ABI1: variants seen among roughly 807,000 people sequenced by gnomAD.
ABI1 encodes the protein Abelson interactor 1.
ABI1 carries 14 observed loss-of-function variants against 54.6 expected under a neutral mutation model. The ratio of observed to expected loss-of-function variants is 0.26; its 90% CI spans 0.17 to 0.40. ABI1 has a LOEUF of 0.40. ABI1 is among the 10% of genes least tolerant of loss of function. The pLI is 1.00. For missense variants in ABI1, 443 were observed against 598.3 expected (o/e 0.74, Z 2.71); for synonymous variants, 194 against 209.3 (o/e 0.93, Z 0.63).
At chr10:26,790,091 A>G (rs542674307) in intron 2 of ABI1, among the ~76,000 whole-genome samples, 5 of 152,346 alleles carry the variant, frequency 3.3e-5, no homozygotes, top group African/African-American at 1.2e-4. Flanking sequence ...TACAGTGAAC[A>G]TACATGTGCA....
intron 1 of ABI1, among the ~76,000 whole-genome samples, chr10:26,859,895 G>A (rs987725913): frequency 6.6e-6 from 1 of 152,060 alleles, no homozygotes; most frequent in African/African-American, 2.4e-5. Context: ...GTTTTTCCAA[G>A]GAGTTAAGAA....
In ABI1 at chr10:26,860,489, C is replaced by T. The variant is rs1178004648; in HGVS notation, c.117+258G>A. 6.6e-6 allele frequency among the ~76,000 whole-genome samples: 1 copy of T among 152,200 alleles called. No homozygotes were observed. The highest frequency in any genetic ancestry group is 2.4e-5 in the African/African-American group (1 of 41,454). ...GGCGCCGGGCTGCGGCAGCGGCGGG[C>T]TCCCGGCTCCCTCGCCCATTTTCTC... On this transcript the variant is annotated intron_variant, in intron 1 of 10. Transcript: ENST00000376140. This position sits in a 1 kb window ranked among gnomAD's most constrained non-coding sequence, Gnocchi z 4.1.
intron 1 of ABI1, among the ~76,000 whole-genome samples, chr10:26,856,381 C>CT (rs1228056738): frequency 2.4e-5 from 3 of 124,688 alleles, no homozygotes; most frequent in African/African-American, 9.2e-5. Context: ...AGCTACTGAA[C>CT]TTTAGGTTGG....
At chr10:26,845,295 T>A (rs1190178988) in intron 1 of ABI1, among the ~76,000 whole-genome samples, 2 of 152,140 alleles carry the variant, frequency 1.3e-5, no homozygotes, top group East Asian at 3.9e-4. Flanking sequence ...ATAGACCAAT[T>A]TTCTTTTTCT....
chr10:26,827,927 G>A (rs1272810686), intron 1 of ABI1, among the ~76,000 whole-genome samples: 3 of 152,146 alleles, frequency 2.0e-5, no homozygotes, highest in African/African-American at 2.4e-5. Flanking sequence ...TGTGTTCAGT[G>A]GACTAGCCCT....
rs1320964631 is a variant in ABI1, at chr10:26,751,674, C to T, written c.1194G>A (p.Glu398=). 3 of 1,614,022 alleles carry T rather than the reference C, an allele frequency of 1.9e-6. No homozygotes were observed. Among genetic ancestry groups the T allele is most frequent in the Non-Finnish European group, 2.5e-6 (3 of 1,179,974 alleles). ...PPPPVDYEDE[E]AAVVQYNDPY... ...GATCATTATACTGAACTACTGCAGC[C>T]TCCTCATCTTCATAATCCACTGGTG... is the stretch of plus-strand genomic sequence containing the variant. The change falls in exon 10 of 11, where the codon GAG becomes GAA. Residue 398 remains glutamate, a synonymous_variant. Coordinates refer to ENST00000376140, the MANE Select transcript of ABI1 (RefSeq NM_001012750.3).
intron 2 of ABI1, among the ~76,000 whole-genome samples, chr10:26,800,147 G>A (rs555036392): frequency 1.3e-5 from 2 of 152,282 alleles, no homozygotes; most frequent in African/African-American, 4.8e-5. Flanking sequence ...ACTTTGGGAG[G>A]CCAACCTAGG....
Position 26,754,950 on chromosome 10 carries a change from C to A in ABI1, c.1084+705G>T, listed in dbSNP as rs2279173. Among the ~76,000 whole-genome samples, 2,743 of 151,818 alleles carry A rather than the reference C, an allele frequency of 0.018. 192 individuals are homozygous for A. In the South Asian group the frequency reaches 0.19, roughly 11 times the overall value. On this transcript the variant is annotated intron_variant, in intron 9 of 10. Transcript: ENST00000376140. ...ATATCCAAAATAACTTCTCCCCCCC[C>A]ACAAAAAAAAATCCCTGAACTTCAT...
chr10:26,786,728 C>T (rs1842777644), intron 2 of ABI1, among the ~76,000 whole-genome samples: 1 of 152,174 alleles, frequency 6.6e-6, no homozygotes, highest in South Asian at 2.1e-4. Context: ...TTCTCTGTCT[C>T]CTTTCTAAGG....
intron 2 of ABI1, among the ~76,000 whole-genome samples, chr10:26,796,842 A>G (rs116665807): frequency 0.015 from 2,355 of 152,296 alleles, 52 homozygotes; most frequent in African/African-American, 0.054. Flanking sequence ...TTTTGGGATT[A>G]AACTGTTCTA....
At chr10:26,748,809 A>C in intron 10 of ABI1, 64 bp from the exon 11 acceptor site, 10 of 1,171,840 alleles carry the variant, frequency 8.5e-6, no homozygotes, top group Non-Finnish European at 1.2e-5. Context: ...TTGAATTTTA[A>C]GACAAAGACA....
At chr10:26,753,548 A>G (rs771018450) in intron 9 of ABI1, among the ~76,000 whole-genome samples, 3 of 152,200 alleles carry the variant, frequency 2.0e-5, no homozygotes, top group Non-Finnish European at 4.4e-5. Flanking sequence ...AATTCTCTGC[A>G]TAATCATAAA....
chr10:26,789,152 A>G (rs1278746652), intron 2 of ABI1: 1 of 152,192 alleles, frequency 6.6e-6, no homozygotes, highest in Non-Finnish European at 1.5e-5. Flanking sequence ...AAGCACCAGG[A>G]CACCAGGGAA....
intron 1 of ABI1, among the ~76,000 whole-genome samples, chr10:26,851,933 T>A (rs1175945998): frequency 6.6e-6 from 1 of 152,056 alleles, no homozygotes; most frequent in South Asian, 2.1e-4. Context: ...GGTTATCTAG[T>A]GGGATTGCCT....
chr10:26,858,621 A>G (rs1349940709), intron 1 of ABI1, among the ~76,000 whole-genome samples: 4 of 150,684 alleles, frequency 2.7e-5, no homozygotes, highest in Non-Finnish European at 4.4e-5. Flanking sequence ...ATAAAGTGAG[A>G]GACTGTATGA....
At chr10:26,824,886 GTT>G (rs1293374606) in intron 1 of ABI1, among the ~76,000 whole-genome samples, 2 of 152,172 alleles carry the variant, frequency 1.3e-5, no homozygotes, top group Non-Finnish European at 2.9e-5. Flanking sequence ...TAAAAGTTAT[GTT>G]TATATTATGC....
At position 26,851,988 on chromosome 10, in the gene ABI1, T is replaced by C. The variant is rs2050429105; in HGVS notation, c.117+8759A>G. On this transcript the variant is annotated intron_variant, in intron 1 of 10. Transcript: ENST00000376140. ...TTTTGAGTAATAATCAATTTTAAAA[T>C]GACACCCATGAGCTGAGCATGGTGG... is the stretch of plus-strand genomic sequence containing the variant. Among the ~76,000 whole-genome samples the C allele has an allele frequency of 2.0e-5, 3 of 152,028 alleles. 1 individual carries two copies. In the South Asian group the frequency reaches 6.2e-4, roughly 32 times the overall value.
intron 1 of ABI1, among the ~76,000 whole-genome samples, chr10:26,846,693 T>A (rs1423677571): frequency 6.6e-6 from 1 of 152,030 alleles, no homozygotes; most frequent in African/African-American, 2.4e-5. Context: ...AAAAAAAAGA[T>A]CAAAATCCTT....
intron 1 of ABI1, among the ~76,000 whole-genome samples, chr10:26,853,530 T>C (rs984477940): frequency 3.9e-5 from 3 of 76,626 alleles, no homozygotes; most frequent in African/African-American, 1.4e-4. Flanking sequence ...TTTACCTTAC[T>C]TTTTTTTTTT....
Sources: gnomAD v4.1 joint callset for allele counts (sites outside exome capture counted in the v4.1 genomes callset) on GRCh38, gnomAD v4.1.1 for gene constraint, Gnocchi (gnomAD v3.1) non-coding constraint, MANE v1.5 for transcripts, NCBI Gene and HGNC (gene_info 2026-07-23, HGNC 2026-07-21) for gene names.